The following TRIM23 variants were observed in gnomAD, a reference collection of about 807,000 sequenced individuals.
TRIM23 encodes the protein tripartite motif containing 23, also known as E3 ubiquitin-protein ligase TRIM23.
A neutral mutation model predicts 71.0 loss-of-function variants in TRIM23; 27 were observed. The observed-to-expected ratio is 0.38, with a 90% CI of 0.28 to 0.52. The LOEUF (loss-of-function observed/expected upper bound fraction) is 0.52, where lower values mean the gene tolerates loss of function less well. Among genes scored for constraint, TRIM23 ranks in the 20% least tolerant of loss-of-function variants. TRIM23 has a pLI of 0.84. For missense variants in TRIM23, 482 were observed against 692.3 expected (o/e 0.70, Z 3.41); for synonymous variants, 234 against 238.0 (o/e 0.98, Z 0.16).
Position 65,591,872 on chromosome 5 carries a change from C to A in TRIM23, c.1622G>T (p.Trp541Leu). The change falls in exon 11 of 11, where the codon TGG (tryptophan) becomes TTG (leucine). Residue 541 changes from tryptophan (W) to leucine (L), a missense_variant. Physicochemically the swap from Trp to Leu is moderately conservative, Grantham distance 61 (BLOSUM62 -2). Coordinates refer to ENST00000231524, the MANE Select transcript of TRIM23 (RefSeq NM_001656.4). The stretch of plus-strand genomic sequence containing the variant: ...TCGAGCATCACAGCCCTGAATATAC[C>A]AGCTACGGCCACAGCATAATTTATG... ...SLHKLCCGRS[W>L]YIQGCDARSG... The A allele has an allele frequency of 6.2e-7, 1 of 1,613,916 alleles. No individual in the cohort carries two copies. The highest frequency in any genetic ancestry group is 8.5e-7 in the Non-Finnish European group (1 of 1,179,938).
At chr5:65,594,415 A>C (rs1666629656) in intron 10 of TRIM23, 106 bp downstream of exon 10, 4 of 1,354,812 alleles carry the variant, frequency 3.0e-6, no homozygotes, top group Non-Finnish European at 4.0e-6. Flanking sequence ...TACACAGAAG[A>C]AACTATAAAT....
Position 65,618,171 on chromosome 5 carries a change from A to G in TRIM23, c.166T>C (p.Cys56Arg). 2 of 1,614,158 alleles carry G rather than the reference A, an allele frequency of 1.2e-6. No individual in the cohort carries two copies. Among genetic ancestry groups the G allele is most frequent in the Non-Finnish European group, 1.7e-6 (2 of 1,180,012 alleles). ...PRLLLCGHTV[C>R]HDCLTRLPLH... ...GGTAGGCGAGTGAGACAGTCATGAC[A>G]GACGGTATGGCCACAAAGCAAAAGA... The change falls in exon 2 of 11, where the codon TGT (cysteine) becomes CGT (arginine). Residue 56 changes from cysteine to arginine, a missense_variant. Cys to Arg is a radical substitution (Grantham distance 180). Coordinates refer to ENST00000231524, the MANE Select transcript of TRIM23 (RefSeq NM_001656.4).
chr5:65,594,464 G>A, intron 10 of TRIM23, 57 bp downstream of exon 10: 3 of 1,536,632 alleles, frequency 2.0e-6, no homozygotes, highest in Non-Finnish European at 2.6e-6. Context: ...ATTTCCAGTT[G>A]CCTTTTGACA....
chr5:65,613,352 T>C (rs1352967107), intron 3 of TRIM23, among the ~76,000 whole-genome samples: 2 of 152,198 alleles, frequency 1.3e-5, no homozygotes, highest in Non-Finnish European at 2.9e-5. Context: ...GAAATCATCA[T>C]CTAATGAAAG....
intron 1 of TRIM23, among the ~76,000 whole-genome samples, chr5:65,621,521 A>C (rs541655922): frequency 6.6e-6 from 1 of 152,364 alleles, no homozygotes; most frequent in South Asian, 2.1e-4. Context: ...CAAAGATTTA[A>C]AAGAACTTCC....
chr5:65,608,249 TGACA>T (rs1047568657), intron 6 of TRIM23, among the ~76,000 whole-genome samples: 50 of 152,078 alleles, frequency 3.3e-4, no homozygotes, highest in African/African-American at 1.1e-3. Context: ...TGCCCCCTCT[TGACA>T]GTACCTAACA....
rs199577878 is a variant in TRIM23 at position 65,591,829 on chromosome 5, A to C, written c.1665T>G (p.Tyr555Ter). ...GCCGTGAGAGCCAGTCCAACCCTTC[A>C]TACAGTCCCATACCACTTCGAGCAT... ...GCDARSGMGL[Y>*]EGLDWLSRQL... Residue 555 changes from tyrosine to a stop codon, truncating the protein, a stop_gained, in exon 11 of 11, where the codon TAT (tyrosine) becomes TAG (stop). Coordinates refer to ENST00000231524, the MANE Select transcript of TRIM23 (RefSeq NM_001656.4). LOFTEE classifies it high-confidence loss of function. 1 of 1,613,770 alleles carries C rather than the reference A, an allele frequency of 6.2e-7. No homozygotes were observed. The highest frequency in any genetic ancestry group is 1.7e-5 in the Admixed American group (1 of 60,000).
chr5:65,620,789 C>A (rs1561753429), intron 1 of TRIM23, among the ~76,000 whole-genome samples: 1 of 151,696 alleles, frequency 6.6e-6, no homozygotes, highest in East Asian at 1.9e-4. Flanking sequence ...TTATCAAATT[C>A]TTTAGGCCAG....
At chr5:65,619,819 T>C (rs192406100) in intron 1 of TRIM23, among the ~76,000 whole-genome samples, 4 of 152,320 alleles carry the variant, frequency 2.6e-5, no homozygotes, top group South Asian at 2.1e-4. Flanking sequence ...TGGTGGTTCA[T>C]GCCTGTAATC....
intron 4 of TRIM23, 134 bp downstream of exon 4, chr5:65,611,469 A>G (rs1754648222): frequency 1.0e-5 from 10 of 977,758 alleles, no homozygotes; most frequent in Non-Finnish European, 1.4e-5. Context: ...TTTTCATGCT[A>G]CCAAACCCAA....
intron 1 of TRIM23, among the ~76,000 whole-genome samples, chr5:65,619,910 C>T (rs1754883405): frequency 6.6e-6 from 1 of 151,918 alleles, no homozygotes; most frequent in Non-Finnish European, 1.5e-5. Context: ...GGTGAAATCC[C>T]ATCTCTACTA....
In TRIM23 at chr5:65,611,697, T is replaced by C. The variant is rs1754654891; in HGVS notation, c.551A>G (p.His184Arg). The change falls in exon 4 of 11, where the codon CAT becomes CGT. Residue 184 changes from histidine (H) to arginine (R), a missense_variant. His to Arg is a conservative substitution (Grantham distance 29). This residue lies in a region of TRIM23 where 307 missense variants were observed against 495.8 expected (regional missense o/e 0.62). Coordinates refer to ENST00000231524, the MANE Select transcript of TRIM23 (RefSeq NM_001656.4). ...TTCCAAGCAAACAAACTCAATGGCA[T>C]GCACCTGGTGCTGAGAGCACATAGT... is the stretch of plus-strand genomic sequence containing the variant. Reference protein sequence around the residue: ...EKTMCSQHQVHAIEFVCLEEG... With the variant: ...EKTMCSQHQVRAIEFVCLEEG... 1 of 1,614,118 alleles carries C rather than the reference T, an allele frequency of 6.2e-7. No individual in the cohort carries two copies. The highest frequency in any genetic ancestry group is 1.3e-5 in the African/African-American group (1 of 74,948).
chr5:65,600,576 T>A (rs1392851568), intron 7 of TRIM23, among the ~76,000 whole-genome samples: 2 of 144,258 alleles, frequency 1.4e-5, no homozygotes, highest in African/African-American at 5.2e-5. Flanking sequence ...AAAAGCCTCA[T>A]GACATTGCAT....
At position 65,590,111 on chromosome 5, in the gene TRIM23, G is replaced by A. The variant is rs552658825; in HGVS notation, c.*1658C>T. On this transcript the variant is annotated 3_prime_UTR_variant, in exon 11 of 11. Coordinates refer to ENST00000231524, the MANE Select transcript of TRIM23 (RefSeq NM_001656.4). ...CATTACAAAGTTTAGCAAAATTAGT[G>A]AAAAGGGAAGCAAGTTCACCTTAGT... The A allele has an allele frequency of 1.1e-5, 5 of 443,578 alleles. No homozygotes were observed. Among genetic ancestry groups the A allele is most frequent in the African/African-American group, 6.1e-5 (3 of 48,842 alleles). The allele number at this position is 443,578 out of a possible 1,614,324, so 27.5% of individuals were successfully genotyped here.
Position 65,591,785 on chromosome 5 carries a change from A to G in TRIM23, c.1709T>C (p.Val570Ala), listed in dbSNP as rs1436144798. 6.2e-7 allele frequency: 1 copy of G among 1,609,194 alleles called. No individual in the cohort carries two copies. Among genetic ancestry groups the G allele is most frequent in the Admixed American group, 1.7e-5 (1 of 59,854 alleles). ...WLSRQLVAAGVLDVA is the reference protein window; with the variant it reads ...WLSRQLVAAGALDVA ...CCTTTAAAATCAAGCAACATCCAATACTCCAGCAGCTACAAGTTGCCGTGA... is the reference window on the plus strand; with the variant it reads ...CCTTTAAAATCAAGCAACATCCAATGCTCCAGCAGCTACAAGTTGCCGTGA... Residue 570 changes from valine to alanine, a missense_variant, in exon 11 of 11, where the codon GTA (valine) becomes GCA (alanine). This residue lies in a region of TRIM23 where 307 missense variants were observed against 495.8 expected (regional missense o/e 0.62). Coordinates refer to ENST00000231524, the MANE Select transcript of TRIM23 (RefSeq NM_001656.4).
Position 65,594,664 on chromosome 5 carries a change from A to G in TRIM23, c.1421-19T>C. 6.5e-7 allele frequency: 1 copy of G among 1,537,136 alleles called. No homozygotes were observed. Among genetic ancestry groups the G allele is most frequent in the Non-Finnish European group, 8.7e-7 (1 of 1,146,864 alleles). ...ACAACAGCTACCCAAAAAAAAATAAAAAAAACAAAAATAGTCACTTGCTAA... is the reference window on the plus strand; with the variant it reads ...ACAACAGCTACCCAAAAAAAAATAAGAAAAACAAAAATAGTCACTTGCTAA... On this transcript the variant is annotated intron_variant, in intron 9 of 10. Coordinates refer to ENST00000231524, the MANE Select transcript of TRIM23 (RefSeq NM_001656.4).
At chr5:65,622,887 T>C (rs1271735161) in intron 1 of TRIM23, among the ~76,000 whole-genome samples, 1 of 152,186 alleles carries the variant, frequency 6.6e-6, no homozygotes, top group Non-Finnish European at 1.5e-5. Flanking sequence ...ATGATACCCA[T>C]TCCAATTATG....
intron 1 of TRIM23, 118 bp from the exon 2 acceptor site, chr5:65,618,373 G>GAA: frequency 1.8e-6 from 2 of 1,100,568 alleles, no homozygotes; most frequent in Non-Finnish European, 2.4e-6. Context: ...ATTCCTCTAT[G>GAA]AAAAAAAAAC....
At chr5:65,594,786 TG>T in intron 9 of TRIM23, 141 bp from the exon 10 acceptor site, 1 of 702,856 alleles carries the variant, frequency 1.4e-6, no homozygotes, top group Non-Finnish European at 2.1e-6. Context: ...GTGCCTAGTA[TG>T]GCAGGGGCAC....
Sources: gnomAD v4.1 joint callset for allele counts (sites outside exome capture counted in the v4.1 genomes callset) on GRCh38, gnomAD v4.1.1 for gene constraint, gnomAD v4.1.1 regional missense constraint, MANE v1.5 for transcripts, NCBI Gene and HGNC (gene_info 2026-07-23, HGNC 2026-07-21) for gene names.